Variants in MYH10 observed in about 807,000 individuals in gnomAD.
MYH10 encodes myosin-10.
Under a neutral mutation model 257.8 loss-of-function variants are expected in MYH10, and 55 were observed. That is an observed-to-expected ratio of 0.21 (90% CI 0.17 to 0.27). The LOEUF (loss-of-function observed/expected upper bound fraction) is 0.27, where lower values mean the gene tolerates loss of function less well. Ranked by LOEUF, MYH10 falls within the 10% of genes least tolerant of loss-of-function variation. The pLI is 1.00. For synonymous variants in MYH10, 854 were observed against 921.7 expected (o/e 0.93, Z 1.33); for missense variants, 1,631 against 2,500.6 (o/e 0.65, Z 7.42).
intron 38 of MYH10, 79 bp downstream of exon 38, chr17:8,481,243 G>A (rs1356796525): frequency 7.2e-7 from 1 of 1,392,272 alleles, no homozygotes; most frequent in East Asian, 2.3e-5. Flanking sequence ...CTGATGCCAG[G>A]TGTGTGGACA....
chr17:8,489,745 A>ACACACACACACC (rs1258993754), intron 35 of MYH10, among the ~76,000 whole-genome samples: 40 of 150,792 alleles, frequency 2.7e-4, no homozygotes, highest in African/African-American at 3.7e-4. Context: ...ACACACACAC[A>ACACACACACACC]CCCCAAATCC....
intron 2 of MYH10, among the ~76,000 whole-genome samples, chr17:8,619,434 T>C (rs2152103308): frequency 6.6e-6 from 1 of 152,258 alleles, no homozygotes; most frequent in South Asian, 2.1e-4. Context: ...GTTATAAAAA[T>C]AGTTTTGACC....
chr17:8,540,123 G>A (rs542881230), intron 14 of MYH10, among the ~76,000 whole-genome samples: 11 of 152,254 alleles, frequency 7.2e-5, no homozygotes, highest in South Asian at 2.1e-4. Flanking sequence ...CTGAGTAGCC[G>A]AGACTACAGG....
chr17:8,531,087 T>C (rs1369296458), intron 16 of MYH10, among the ~76,000 whole-genome samples: 2 of 152,190 alleles, frequency 1.3e-5, no homozygotes, highest in African/African-American at 4.8e-5. Context: ...TAAGTATCAA[T>C]GGCTTTTACT....
At chr17:8,624,410 G>C (rs1184436532) in intron 1 of MYH10, among the ~76,000 whole-genome samples, 6 of 152,124 alleles carry the variant, frequency 3.9e-5, no homozygotes, top group Admixed American at 3.9e-4. Context: ...CCAAATTCCA[G>C]GTTATTATAA....
chr17:8,618,164 G>A (rs2085335741), intron 2 of MYH10, among the ~76,000 whole-genome samples: 1 of 152,118 alleles, frequency 6.6e-6, no homozygotes, highest in African/African-American at 2.4e-5. Context: ...AGTTGGAAGA[G>A]AGAGGAACGG....
intron 4 of MYH10, among the ~76,000 whole-genome samples, 153 bp from the exon 5 acceptor site, chr17:8,577,491 G>C (rs989720151): frequency 6.6e-6 from 1 of 152,066 alleles, no homozygotes; most frequent in Non-Finnish European, 1.5e-5. Context: ...AGTTAGAAAA[G>C]AAAATCATCC....
At chr17:8,520,389 A>G (rs1187199031) in intron 19 of MYH10, among the ~76,000 whole-genome samples, 1 of 152,236 alleles carries the variant, frequency 6.6e-6, no homozygotes, top group East Asian at 1.9e-4. Flanking sequence ...CCAGCAACTC[A>G]GGAGGCTGAG....
At chr17:8,601,976 T>TC (rs1377117283) in intron 3 of MYH10, among the ~76,000 whole-genome samples, 10 of 38,752 alleles carry the variant, frequency 2.6e-4, no homozygotes, top group Non-Finnish European at 4.5e-4. Flanking sequence ...AGAAACAGAA[T>TC]CTTTTTTTTT....
intron 7 of MYH10, among the ~76,000 whole-genome samples, chr17:8,554,914 C>T (rs1183007930): frequency 2.6e-5 from 4 of 152,188 alleles, no homozygotes; most frequent in Admixed American, 2.0e-4. Context: ...GATCGCGCCA[C>T]TGCACTCCAG....
At chr17:8,543,046 T>C (rs973282368) in intron 13 of MYH10, among the ~76,000 whole-genome samples, 19 of 152,240 alleles carry the variant, frequency 1.2e-4, no homozygotes, top group African/African-American at 4.3e-4. Context: ...ATTGGGCGAA[T>C]GCATAGATGG....
chr17:8,486,240 C>A (rs1464884826), intron 36 of MYH10, among the ~76,000 whole-genome samples: 9 of 151,920 alleles, frequency 5.9e-5, no homozygotes, highest in Non-Finnish European at 1.3e-4. Flanking sequence ...CCAAAATGCC[C>A]CAAATATGAT....
At chr17:8,511,844 C>A (rs1046511694) in intron 24 of MYH10, among the ~76,000 whole-genome samples, 3 of 152,166 alleles carry the variant, frequency 2.0e-5, no homozygotes, top group African/African-American at 4.8e-5. Flanking sequence ...TATTTTGAAG[C>A]AAATCCCAGA....
intron 3 of MYH10, among the ~76,000 whole-genome samples, chr17:8,590,890 T>TTTTTTTA (rs2084107269): frequency 8.2e-5 from 12 of 146,774 alleles, no homozygotes; most frequent in African/African-American, 1.8e-4. Flanking sequence ...TTTTTTTTTT[T>TTTTTTTA]GAGATGGAGT....
At chr17:8,616,540 A>G (rs2085269559) in intron 2 of MYH10, among the ~76,000 whole-genome samples, 1 of 152,116 alleles carries the variant, frequency 6.6e-6, no homozygotes, top group Non-Finnish European at 1.5e-5. Context: ...CATTTAAATA[A>G]TATTCAAATA....
chr17:8,551,951 T>C, intron 9 of MYH10, 95 bp downstream of exon 9: 1 of 559,862 alleles, frequency 1.8e-6, no homozygotes, highest in South Asian at 5.3e-5. Context: ...GTGTTTTGTG[T>C]GTAAAAAACT....
At position 8,493,839 on chromosome 17, in the gene MYH10, C is replaced by T. The variant is rs781292723; in HGVS notation, c.4103G>A (p.Arg1368Gln). The change falls in exon 32 of 43, where the codon CGG (arginine) becomes CAG (glutamine). Residue 1368 changes from arginine (R) to glutamine (Q), a missense_variant. By Grantham distance (43) the Arg-to-Gln change is conservative (BLOSUM62 1). Coordinates refer to ENST00000360416, the MANE Select transcript of MYH10 (RefSeq NM_001256012.3). ...ETRQKLNLSS[R>Q]IRQLEEEKNS... is the part of the protein sequence containing the mutation. ...CTTCTCCTCTTCCAGCTGCCGGATC[C>T]GACTGCTCAGGTTTAGTTTCTGGCG... is the stretch of plus-strand genomic sequence containing the variant. 14 of 1,613,690 alleles carry T rather than the reference C, an allele frequency of 8.7e-6. No individual in the cohort carries two copies. Among genetic ancestry groups the T allele is most frequent in the East Asian group, 4.5e-5 (2 of 44,890 alleles).
In MYH10 at chr17:8,490,251, G is replaced by T; in HGVS notation, c.4884+89C>A. ...TGTTACTCTGTGTTTACTCAGATGT[G>T]TTCTAACACGAATGAACAGGATACT... On this transcript the variant is annotated intron_variant, in intron 35 of 42. Coordinates refer to ENST00000360416, the MANE Select transcript of MYH10 (RefSeq NM_001256012.3). The surrounding 1 kb of genome is among the most constrained non-coding windows in gnomAD (Gnocchi z 4.1). 1 of 1,126,406 alleles carries T rather than the reference G, an allele frequency of 8.9e-7. No individual in the cohort carries two copies. Among genetic ancestry groups the T allele is most frequent in the Non-Finnish European group, 1.3e-6 (1 of 748,776 alleles). 69.8% of individuals were successfully genotyped at this position (1,126,406 alleles called of 1,614,324 possible). A position where few individuals can be genotyped will look rare whatever the true frequency, so the allele number is the denominator to read the frequency against.
At chr17:8,608,993 A>G (rs2084921072) in intron 2 of MYH10, among the ~76,000 whole-genome samples, 1 of 152,104 alleles carries the variant, frequency 6.6e-6, no homozygotes, top group South Asian at 2.1e-4. Context: ...TTGTATTTTT[A>G]GTAGAGACGG....
Sources: allele counts gnomAD v4.1 joint callset (sites outside exome capture counted in the v4.1 genomes callset), GRCh38; gene constraint gnomAD v4.1.1; non-coding constraint Gnocchi (gnomAD v3.1); transcripts MANE v1.5; gene names NCBI Gene and HGNC (gene_info 2026-07-23, HGNC 2026-07-21).